The following SMYD3 variants were observed in gnomAD, a reference collection of about 807,000 sequenced individuals.
SMYD3 encodes the protein SET and MYND domain containing 3.
Under a neutral mutation model 57.7 loss-of-function variants are expected in SMYD3, and 36 were observed. That is an observed-to-expected ratio of 0.62 (90% CI 0.48 to 0.82). The LOEUF (loss-of-function observed/expected upper bound fraction) is 0.82. Among genes scored for constraint, SMYD3 ranks in the 40% least tolerant of loss-of-function variants. SMYD3 has a pLI of 0.00. For missense variants in SMYD3, 515 were observed against 538.8 expected (o/e 0.96, Z 0.44); for synonymous variants, 211 against 195.0 (o/e 1.08, Z -0.68).
chr1:246,364,959 T>A (rs938985283), intron 1 of SMYD3, among the ~76,000 whole-genome samples: 1 of 151,960 alleles, frequency 6.6e-6, no homozygotes, highest in African/African-American at 2.4e-5. Context: ...CAGACAAATA[T>A]GAACTCAAAA....
At chr1:246,363,532 A>G (rs1303367321) in intron 1 of SMYD3, among the ~76,000 whole-genome samples, 5 of 152,234 alleles carry the variant, frequency 3.3e-5, no homozygotes, top group South Asian at 4.1e-4. Context: ...GTGTCTGTGT[A>G]GAAAGAAGTA....
At chr1:245,808,857 G>T (rs115860845) in intron 10 of SMYD3, among the ~76,000 whole-genome samples, 1 of 152,042 alleles carries the variant, frequency 6.6e-6, no homozygotes, top group Non-Finnish European at 1.5e-5. Flanking sequence ...CTACCTCCTG[G>T]GTTCAAGCGA....
rs189067101 is a variant in SMYD3 at position 245,949,501 on chromosome 1, A to T, written c.532-19564T>A. On this transcript the variant is annotated intron_variant, in intron 5 of 11. Coordinates refer to ENST00000490107, the MANE Select transcript of SMYD3 (RefSeq NM_001167740.2). ...GGAGACTACACTACCGTGCGCACCC[A>T]GAACCAAAACCAAAGTACCCAACCA... Among the ~76,000 whole-genome samples, 352 of 152,332 alleles carry T rather than the reference A, an allele frequency of 2.3e-3. 3 individuals are homozygous for T. The highest frequency in any genetic ancestry group is 8.0e-3 in the African/African-American group (334 of 41,576).
intron 1 of SMYD3, among the ~76,000 whole-genome samples, chr1:246,451,060 G>A (rs2067626276): frequency 6.6e-6 from 1 of 152,160 alleles, no homozygotes; most frequent in African/African-American, 2.4e-5. Context: ...CATTCAGCAG[G>A]TGCCTGCCGG....
chr1:246,166,258 C>G (rs2062208437), intron 5 of SMYD3, among the ~76,000 whole-genome samples: 1 of 152,162 alleles, frequency 6.6e-6, no homozygotes, highest in South Asian at 2.1e-4. Flanking sequence ...CAGGCTGCAC[C>G]AGGCCACACA....
intron 5 of SMYD3, among the ~76,000 whole-genome samples, chr1:246,099,256 A>G (rs2060968773): frequency 6.6e-6 from 1 of 152,132 alleles, no homozygotes; most frequent in South Asian, 2.1e-4. Context: ...ACAGTTCTCT[A>G]AGTTATTAGT....
rs200784688 is a variant in SMYD3 at position 245,786,212 on chromosome 1, A to ATG, written c.1077-22064_1077-22063insCA. On this transcript the variant is annotated intron_variant, in intron 10 of 11. Transcript: ENST00000490107. The stretch of plus-strand genomic sequence containing the variant: ...AGCACTGAGTTGAGTTGGGGTGTGG[A>ATG]CGGGGGGGGGATGGTGGCAACAGAA... Among the ~76,000 whole-genome samples the ATG allele has an allele frequency of 4.3e-3, 338 of 78,422 alleles. 10 individuals carry two copies. Among genetic ancestry groups the ATG allele is most frequent in the African/African-American group, 0.016 (245 of 14,950 alleles). The allele number at this position is 78,422 out of a possible 152,430, so 51.4% of individuals were successfully genotyped here. A position where few individuals can be genotyped will look rare whatever the true frequency, so the allele number is the denominator to read the frequency against.
intron 5 of SMYD3, among the ~76,000 whole-genome samples, chr1:246,324,768 GATTA>G (rs1162168916): frequency 2.6e-5 from 4 of 151,476 alleles, no homozygotes; most frequent in Non-Finnish European, 1.5e-5. Context: ...TCTTCTCTTT[GATTA>G]ATTAATTTTA....
At chr1:246,298,284 A>T (rs2064832162) in intron 5 of SMYD3, among the ~76,000 whole-genome samples, 1 of 152,136 alleles carries the variant, frequency 6.6e-6, no homozygotes. Flanking sequence ...AATAAAACAT[A>T]AGTGCATACT....
chr1:246,328,615 CT>C (rs58373705), intron 4 of SMYD3, among the ~76,000 whole-genome samples: 12,319 of 149,414 alleles, frequency 0.082, 710 homozygotes, highest in East Asian at 0.2. Flanking sequence ...CCAATGATTT[CT>C]TTTTTTTTCT....
At position 246,205,008 on chromosome 1, in the gene SMYD3, G is replaced by C. The variant is rs528034084; in HGVS notation, c.531+122193C>G. Among the ~76,000 whole-genome samples, 450 of 152,298 alleles carry C rather than the reference G, an allele frequency of 3.0e-3. 1 individual carries two copies. The highest frequency in any genetic ancestry group is 3.7e-3 in the Non-Finnish European group (251 of 68,026). On this transcript the variant is annotated intron_variant, in intron 5 of 11. Transcript: ENST00000490107. ...GACTTAATTCCTGAGATACCAGTGT[G>C]CTGCTCTGCGGAGGGGGTTCCTTTG...
intron 5 of SMYD3, among the ~76,000 whole-genome samples, chr1:246,274,952 CTACTG>C (rs747234203): frequency 5.3e-5 from 8 of 152,170 alleles, no homozygotes; most frequent in Non-Finnish European, 1.0e-4. Context: ...AACTCAATGA[CTACTG>C]TAGCTGGGAC....
chr1:246,136,837 C>CA (rs892909708), intron 5 of SMYD3, among the ~76,000 whole-genome samples: 42 of 152,170 alleles, frequency 2.8e-4, no homozygotes, highest in African/African-American at 9.9e-4. Context: ...TGAATTCATC[C>CA]AAAAAAGCAG....
intron 5 of SMYD3, among the ~76,000 whole-genome samples, chr1:245,971,250 G>A (rs2058292706): frequency 6.6e-6 from 1 of 152,148 alleles, no homozygotes; most frequent in Non-Finnish European, 1.5e-5. Flanking sequence ...TGCACAATGA[G>A]AACACGTGGA....
chr1:246,053,332 T>C (rs1381412532), intron 5 of SMYD3, among the ~76,000 whole-genome samples: 1 of 152,064 alleles, frequency 6.6e-6, no homozygotes, highest in East Asian at 1.9e-4. Context: ...ACAAGCTGAT[T>C]AAAAAATGTT....
intron 1 of SMYD3, among the ~76,000 whole-genome samples, chr1:246,475,077 G>C (rs1474314690): frequency 1.3e-5 from 2 of 152,200 alleles, no homozygotes. Flanking sequence ...AGCACTTTGA[G>C]ATGCTGAGGT....
rs2045967924 is a variant in SMYD3 at position 245,764,046 on chromosome 1, T to G, written c.1180A>C (p.Arg394=). Reference sequence around the variant, plus strand: ...TGAGATCTTGGCACACTCACCAGTCTCAGATTCTTCATTGCTTGGGGAAAC... The same window carrying G: ...TGAGATCTTGGCACACTCACCAGTCGCAGATTCTTCATTGCTTGGGGAAAC... ...GMFPQAMKNL[R]LAFDIMRVTH... The change falls in exon 11 of 12, where the codon AGA becomes CGA. Residue 394 remains arginine, a synonymous_variant. Coordinates refer to ENST00000490107, the MANE Select transcript of SMYD3 (RefSeq NM_001167740.2). 2.5e-6 allele frequency: 4 copies of G among 1,612,222 alleles called. No homozygotes were observed. Among genetic ancestry groups the G allele is most frequent in the Middle Eastern group, 1.6e-4 (1 of 6,082 alleles).
chr1:246,183,920 G>T lies in SMYD3; in HGVS notation c.531+143281C>A, dbSNP rs114296892. 8.1e-3 allele frequency among the ~76,000 whole-genome samples: 1,237 copies of T among 152,294 alleles called. 13 individuals carry two copies. The highest frequency in any genetic ancestry group is 0.028 in the African/African-American group (1,159 of 41,564). The stretch of plus-strand genomic sequence containing the variant: ...CATCATAGAAAGGTATTACTAAAAG[G>T]ATTTACAAGGTGGTAACAGGATACA... On this transcript the variant is annotated intron_variant, in intron 5 of 11. Coordinates refer to ENST00000490107, the MANE Select transcript of SMYD3 (RefSeq NM_001167740.2).
chr1:245,794,545 T>C (rs2047441265), intron 10 of SMYD3, among the ~76,000 whole-genome samples: 1 of 152,256 alleles, frequency 6.6e-6, no homozygotes, highest in South Asian at 2.1e-4. Flanking sequence ...CTTGGGGGTA[T>C]GCTTTGAATT....
Sources: gnomAD v4.1 joint callset for allele counts (sites outside exome capture counted in the v4.1 genomes callset) on GRCh38, gnomAD v4.1.1 for gene constraint, MANE v1.5 for transcripts, NCBI Gene and HGNC (gene_info 2026-07-23, HGNC 2026-07-21) for gene names.